The following PRKG1 variants were observed in gnomAD, a reference collection of about 807,000 sequenced individuals.
PRKG1 encodes the protein protein kinase cGMP-dependent 1, also known as cGMP-dependent protein kinase 1.
Under a neutral mutation model 88.1 loss-of-function variants are expected in PRKG1, and 35 were observed. The observed-to-expected ratio is 0.40, with a 90% CI of 0.30 to 0.53. The LOEUF (loss-of-function observed/expected upper bound fraction) is 0.53, where lower values mean the gene tolerates loss of function less well. Among genes scored for constraint, PRKG1 ranks in the 20% least tolerant of loss-of-function variants. The pLI is 0.59. For synonymous variants in PRKG1, 303 were observed against 292.5 expected (o/e 1.04, Z -0.37); for missense variants, 540 against 839.8 (o/e 0.64, Z 4.41).
intron 2 of PRKG1, among the ~76,000 whole-genome samples, chr10:51,391,636 G>A (rs913426844): frequency 4.6e-5 from 7 of 152,184 alleles, no homozygotes; most frequent in Non-Finnish European, 8.8e-5. Context: ...GGCAGAGAAA[G>A]GATTAGGGCT....
chr10:51,708,188 G>T (rs1841656129), intron 3 of PRKG1, among the ~76,000 whole-genome samples: 1 of 152,076 alleles, frequency 6.6e-6, no homozygotes, highest in African/African-American at 2.4e-5. Context: ...TCTCTCCTTG[G>T]CTTGCAAATG....
intron 7 of PRKG1, among the ~76,000 whole-genome samples, chr10:52,123,901 C>A (rs923394946): frequency 6.6e-6 from 1 of 152,040 alleles, no homozygotes; most frequent in African/African-American, 2.4e-5. Context: ...CTGTTTTCTT[C>A]TCTGTGTTCT....
chr10:51,418,431 C>T (rs1398816962), intron 2 of PRKG1, among the ~76,000 whole-genome samples: 2 of 152,152 alleles, frequency 1.3e-5, no homozygotes, highest in East Asian at 3.8e-4. Flanking sequence ...AAAGAACATT[C>T]ATTACTACCC....
chr10:51,926,106 A>G (rs1052977934), intron 5 of PRKG1, among the ~76,000 whole-genome samples: 1 of 152,186 alleles, frequency 6.6e-6, no homozygotes. Context: ...ACAAAAATCA[A>G]TACATCTTTC....
chr10:51,317,451 T>C (rs913680326), intron 2 of PRKG1, among the ~76,000 whole-genome samples: 1 of 152,224 alleles, frequency 6.6e-6, no homozygotes, highest in Admixed American at 6.5e-5. Flanking sequence ...TAGTTCATTG[T>C]ATTCTTCCTA....
At chr10:52,154,356 G>C (rs1910537) in intron 8 of PRKG1, among the ~76,000 whole-genome samples, 108,199 of 151,954 alleles carry the variant, frequency 0.71, 39,741 homozygotes, top group South Asian at 0.83. Context: ...CTGATCTTGC[G>C]CTTGGATGTC....
At chr10:51,604,158 C>T (rs927635506) in intron 3 of PRKG1, among the ~76,000 whole-genome samples, 2 of 151,456 alleles carry the variant, frequency 1.3e-5, no homozygotes, top group South Asian at 4.2e-4. Context: ...ACATTATTTC[C>T]CATGAATGCT....
intron 9 of PRKG1, among the ~76,000 whole-genome samples, chr10:52,239,723 T>C (rs1342970243): frequency 2.0e-5 from 3 of 152,100 alleles, no homozygotes; most frequent in Non-Finnish European, 4.4e-5. Context: ...AGCATTCATT[T>C]GAACTGGCAT....
At chr10:51,876,479 T>C (rs920161077) in intron 4 of PRKG1, among the ~76,000 whole-genome samples, 1 of 152,154 alleles carries the variant, frequency 6.6e-6, no homozygotes, top group African/African-American at 2.4e-5. Context: ...TTTCCTAGGG[T>C]AGGTCTTTTG....
chr10:51,725,854 G>C (rs2132460458), intron 3 of PRKG1, among the ~76,000 whole-genome samples: 1 of 152,062 alleles, frequency 6.6e-6, no homozygotes, highest in Admixed American at 6.6e-5. Flanking sequence ...GGCTAGGCTG[G>C]TCTTGAACTC....
chr10:51,330,524 A>AT (rs1264699593), intron 2 of PRKG1, among the ~76,000 whole-genome samples: 2 of 151,608 alleles, frequency 1.3e-5, no homozygotes, highest in African/African-American at 4.9e-5. Context: ...TACTTTTCGT[A>AT]TTTTTTCTCA....
At chr10:51,228,100 A>C (rs1385855292) in intron 2 of PRKG1, among the ~76,000 whole-genome samples, 1 of 152,108 alleles carries the variant, frequency 6.6e-6, no homozygotes, top group African/African-American at 2.4e-5. Context: ...TCACGGTACC[A>C]GGTGTTGAAA....
intron 3 of PRKG1, among the ~76,000 whole-genome samples, chr10:51,787,646 C>T (rs934429033): frequency 6.6e-5 from 10 of 152,204 alleles, no homozygotes; most frequent in Middle Eastern, 3.4e-3. Flanking sequence ...TCAAATGGTG[C>T]GAGCAAATAT....
At chr10:51,493,408 T>C (rs977985800) in intron 3 of PRKG1, among the ~76,000 whole-genome samples, 3 of 152,212 alleles carry the variant, frequency 2.0e-5, no homozygotes, top group African/African-American at 7.2e-5. Context: ...AAGTAAGTCA[T>C]CACTATTATC....
At chr10:51,072,213 CAAACA>C (rs1331145290), upstream of PRKG1, among the ~76,000 whole-genome samples, 1 of 31,190 alleles carries the variant, frequency 3.2e-5, no homozygotes, top group Admixed American at 3.0e-4. Flanking sequence ...AACACACAAA[CAAACA>C]AAAAAAAAAC....
chr10:52,175,120 T>G (rs1489037385), intron 9 of PRKG1, among the ~76,000 whole-genome samples: 1 of 152,060 alleles, frequency 6.6e-6, no homozygotes, highest in African/African-American at 2.4e-5. Context: ...CTTTAACAAC[T>G]CTCCTTGTCC....
intron 9 of PRKG1, among the ~76,000 whole-genome samples, chr10:52,219,543 T>C (rs1840192834): frequency 6.6e-6 from 1 of 152,212 alleles, no homozygotes; most frequent in Non-Finnish European, 1.5e-5. Flanking sequence ...CGACTGATTT[T>C]TTCTCAGTGC....
chr10:51,953,676 A>G (rs964388725), intron 5 of PRKG1, among the ~76,000 whole-genome samples: 128 of 151,954 alleles, frequency 8.4e-4, no homozygotes, highest in African/African-American at 3.0e-3. Context: ...AATGAATGTT[A>G]AATGAACATT....
intron 2 of PRKG1, among the ~76,000 whole-genome samples, chr10:51,418,098 C>T (rs1838295319): frequency 6.6e-6 from 1 of 152,266 alleles, no homozygotes; most frequent in East Asian, 1.9e-4. Flanking sequence ...GGCCTTCTAG[C>T]AACTGTGAGT....
Sources: gnomAD v4.1 joint callset for allele counts (sites outside exome capture counted in the v4.1 genomes callset) on GRCh38, gnomAD v4.1.1 for gene constraint, MANE v1.5 for transcripts, NCBI Gene and HGNC (gene_info 2026-07-23, HGNC 2026-07-21) for gene names.